The following AIM2 variants were observed in gnomAD, a reference collection of about 807,000 sequenced individuals.
AIM2 encodes the protein interferon-inducible protein AIM2.
Under a neutral mutation model 27.7 loss-of-function variants are expected in AIM2, and 30 were observed. The observed-to-expected ratio is 1.08, with a 90% CI of 0.81 to 1.47. The LOEUF is 1.47. Among genes scored for constraint, AIM2 ranks in the 40% most tolerant of loss-of-function variants. AIM2 has a pLI of 0.00. For synonymous variants in AIM2, 141 were observed against 145.3 expected, an observed-to-expected ratio of 0.97 and a Z score of 0.21; for missense variants, 358 against 411.3, an observed-to-expected ratio of 0.87 and a Z score of 1.12.
chr1:159,119,183 A>G (rs1229363538), intron 1 of AIM2, among the ~76,000 whole-genome samples: 2 of 152,128 alleles, frequency 1.3e-5, no homozygotes, highest in Non-Finnish European at 2.9e-5. Flanking sequence ...CCCAGGAGAG[A>G]CACGCAGTGA....
chr1:159,100,948 TC>T (rs1657298898), intron 1 of AIM2, among the ~76,000 whole-genome samples: 1 of 152,212 alleles, frequency 6.6e-6, no homozygotes, highest in Non-Finnish European at 1.5e-5. Context: ...AGATCTACTG[TC>T]CCCCAGGCTG....
At chr1:159,102,469 G>A (rs1164853321) in intron 1 of AIM2, among the ~76,000 whole-genome samples, 1 of 152,196 alleles carries the variant, frequency 6.6e-6, no homozygotes, top group Non-Finnish European at 1.5e-5. Context: ...GAGGGCCACC[G>A]TCCTCCAGTC....
chr1:159,092,996 A>G (rs1471032346), intron 1 of AIM2, among the ~76,000 whole-genome samples: 2 of 152,004 alleles, frequency 1.3e-5, no homozygotes, highest in African/African-American at 2.4e-5. Context: ...ACTACACTCC[A>G]GCCTCGGTGA....
chr1:159,125,405 A>T (rs763653629), intron 1 of AIM2, among the ~76,000 whole-genome samples: 3 of 152,228 alleles, frequency 2.0e-5, no homozygotes, highest in Non-Finnish European at 2.9e-5. Context: ...GTAAGTCCAT[A>T]TAGTGATTTT....
chr1:159,115,037 T>C (rs1036352722), intron 1 of AIM2, among the ~76,000 whole-genome samples: 6 of 152,082 alleles, frequency 3.9e-5, no homozygotes, highest in Non-Finnish European at 8.8e-5. Flanking sequence ...TATACACCAA[T>C]AACAGACAAA....
upstream of AIM2, among the ~76,000 whole-genome samples, chr1:159,080,468 C>T (rs968721835): frequency 1.3e-5 from 2 of 152,100 alleles, no homozygotes; most frequent in African/African-American, 2.4e-5. Context: ...TTAGTGATGC[C>T]TCAATTTCAG....
At chr1:159,078,623 G>A (rs1408304307), upstream of AIM2, among the ~76,000 whole-genome samples, 2 of 152,166 alleles carry the variant, frequency 1.3e-5, no homozygotes, top group Non-Finnish European at 2.9e-5. Flanking sequence ...TGCTGCACCT[G>A]GGGCAGAGAG....
upstream of AIM2, chr1:159,081,090 TATC>T (rs1419574515): frequency 1.4e-5 from 3 of 218,802 alleles, no homozygotes; most frequent in African/African-American, 2.3e-5. Flanking sequence ...TAACTCAACT[TATC>T]ATGAATGTAC....
At chr1:159,063,775 A>G (rs1655957293) in intron 4 of AIM2, 101 bp from the exon 5 acceptor site, 3 of 1,244,632 alleles carry the variant, frequency 2.4e-6, no homozygotes, top group Non-Finnish European at 3.4e-6. Context: ...AAAAGAAATC[A>G]GTTGATTCTT....
At chr1:159,131,298 A>T (rs527547607) in intron 1 of AIM2, among the ~76,000 whole-genome samples, 2 of 152,300 alleles carry the variant, frequency 1.3e-5, no homozygotes, top group Admixed American at 1.3e-4. Flanking sequence ...GGTACACTTT[A>T]TACTGTGTTT....
intron 1 of AIM2, among the ~76,000 whole-genome samples, chr1:159,118,174 T>G (rs1647434553): frequency 6.6e-6 from 1 of 152,232 alleles, no homozygotes; most frequent in Non-Finnish European, 1.5e-5. Flanking sequence ...TTTTTCAAAC[T>G]AGAATCCAAT....
chr1:159,125,122 C>A (rs1352466675), intron 1 of AIM2, among the ~76,000 whole-genome samples: 1 of 152,126 alleles, frequency 6.6e-6, no homozygotes, highest in Non-Finnish European at 1.5e-5. Flanking sequence ...AGTATCAGAG[C>A]CAGAGTATGT....
At chr1:159,129,995 C>T (rs755010789) in intron 1 of AIM2, among the ~76,000 whole-genome samples, 1 of 152,224 alleles carries the variant, frequency 6.6e-6, no homozygotes, top group Non-Finnish European at 1.5e-5. Flanking sequence ...ATGTCCACTT[C>T]TGTCACTCCA....
chr1:159,062,636 T>C lies in AIM2; in HGVS notation c.*56A>G, dbSNP rs1252835949. On this transcript the variant is annotated 3_prime_UTR_variant, in exon 6 of 6. Transcript: ENST00000368130. Reference sequence around the variant, plus strand: ...CTGATTGAAGAGGCTGTATCACATATTCTTCAATTAAATGCTGCTTAGACC... The same window carrying C: ...CTGATTGAAGAGGCTGTATCACATACTCTTCAATTAAATGCTGCTTAGACC... 8 of 1,536,588 alleles carry C rather than the reference T, an allele frequency of 5.2e-6. No individual in the cohort carries two copies. In the Admixed American group the frequency reaches 6.8e-5, roughly 13 times the overall value.
At chr1:159,101,882 C>G (rs1451792194) in intron 1 of AIM2, among the ~76,000 whole-genome samples, 2 of 152,114 alleles carry the variant, frequency 1.3e-5, no homozygotes, top group East Asian at 1.9e-4. Context: ...AAATTTGCAG[C>G]CTGACCATGT....
chr1:159,063,713 A>T (rs1177721668), intron 4 of AIM2, 39 bp from the exon 5 acceptor site: 7 of 1,583,972 alleles, frequency 4.4e-6, no homozygotes, highest in Non-Finnish European at 6.0e-6. Flanking sequence ...TGATAATCGG[A>T]TTAATGAATG....
intron 1 of AIM2, among the ~76,000 whole-genome samples, chr1:159,121,206 A>G (rs1647526452): frequency 6.6e-6 from 1 of 152,174 alleles, no homozygotes; most frequent in African/African-American, 2.4e-5. Flanking sequence ...GCCTGTATAA[A>G]CTAGTGATGG....
At chr1:159,091,622 A>T (rs938867881) in intron 1 of AIM2, among the ~76,000 whole-genome samples, 2 of 152,244 alleles carry the variant, frequency 1.3e-5, no homozygotes, top group African/African-American at 4.8e-5. Flanking sequence ...AGCAATCTGT[A>T]GGATGGGATG....
intron 1 of AIM2, among the ~76,000 whole-genome samples, chr1:159,129,762 T>C (rs1335254430): frequency 6.6e-6 from 1 of 152,192 alleles, no homozygotes; most frequent in Non-Finnish European, 1.5e-5. Context: ...TATCTATTGA[T>C]TACTCCTCTC....
Sources: gnomAD v4.1 joint callset for allele counts (sites outside exome capture counted in the v4.1 genomes callset) on GRCh38, gnomAD v4.1.1 for gene constraint, MANE v1.5 for transcripts, NCBI Gene and HGNC (gene_info 2026-07-23, HGNC 2026-07-21) for gene names.